Variants in FKBP3 observed in about 807,000 individuals in gnomAD.
FKBP3 encodes FKBP prolyl isomerase 3.
A neutral mutation model predicts 30.6 loss-of-function variants in FKBP3; 21 were observed. The observed-to-expected ratio is 0.69, with a 90% CI of 0.49 to 0.99. FKBP3 has a LOEUF of 0.99. Ranked by LOEUF, FKBP3 falls within the 50% of genes least tolerant of loss-of-function variation. The pLI is 0.00. For missense variants in FKBP3, 283 were observed against 261.6 expected (o/e 1.08, Z -0.56); for synonymous variants, 82 against 91.3 (o/e 0.90, Z 0.58).
intron 3 of FKBP3, 59 bp downstream of exon 3, chr14:45,129,731 TAAAG>T (rs1885174665): frequency 7.6e-6 from 8 of 1,053,536 alleles, no homozygotes; most frequent in Non-Finnish European, 1.1e-5. Flanking sequence ...GTGCAAATAA[TAAAG>T]AAATAAATAC....
chr14:45,134,130 T>G (rs1298912120), intron 1 of FKBP3, among the ~76,000 whole-genome samples: 1 of 152,194 alleles, frequency 6.6e-6, no homozygotes, highest in East Asian at 1.9e-4. Flanking sequence ...GCAGCCTGTG[T>G]GCCCCAAGAA....
Position 45,129,725 on chromosome 14 carries a change from A to C in FKBP3, c.318+69T>G, listed in dbSNP as rs550487416. 23 of 1,000,156 alleles carry C rather than the reference A, an allele frequency of 2.3e-5. No homozygotes were observed. The African/African-American group carries it at 3.5e-4, about 15-fold the overall frequency. 62.0% of individuals were successfully genotyped at this position (1,000,156 alleles called of 1,614,324 possible). A position where few individuals can be genotyped will look rare whatever the true frequency, so the allele number is the denominator to read the frequency against. On this transcript the variant is annotated intron_variant, in intron 3 of 6. Coordinates refer to ENST00000396062, the MANE Select transcript of FKBP3 (RefSeq NM_002013.4). ...ACCCTTCACTATGAGAAGTTAGTGC[A>C]AATAATAAAGAAATAAATACAATTT...
At chr14:45,128,604 G>T (rs1248331321) in intron 3 of FKBP3, among the ~76,000 whole-genome samples, 1 of 152,152 alleles carries the variant, frequency 6.6e-6, no homozygotes, top group African/African-American at 2.4e-5. Flanking sequence ...AGACAACGAG[G>T]GTTAGCAAGG....
chr14:45,119,734 C>T (rs969441685), intron 5 of FKBP3, among the ~76,000 whole-genome samples: 3 of 148,434 alleles, frequency 2.0e-5, no homozygotes, highest in South Asian at 2.1e-4. Context: ...GTTGCCCAGG[C>T]TGGAGTGCAG....
At chr14:45,134,211 G>A (rs1167281697) in intron 1 of FKBP3, 138 bp downstream of exon 1, 4 of 705,846 alleles carry the variant, frequency 5.7e-6, no homozygotes, top group Non-Finnish European at 4.9e-6. Context: ...CACAAGCTGG[G>A]CCTCTCCGGC....
At chr14:45,118,332 G>C (rs1884902557) in intron 5 of FKBP3, among the ~76,000 whole-genome samples, 1 of 152,014 alleles carries the variant, frequency 6.6e-6, no homozygotes, top group African/African-American at 2.4e-5. Flanking sequence ...TTTAAGCAGG[G>C]CTTTTTTAAT....
intron 6 of FKBP3, among the ~76,000 whole-genome samples, chr14:45,116,531 T>C (rs887978319): frequency 6.6e-6 from 1 of 151,828 alleles, no homozygotes; most frequent in Non-Finnish European, 1.5e-5. Flanking sequence ...TTTTATGAGG[T>C]AGTACATAAT....
chr14:45,120,819 T>G, intron 5 of FKBP3, 68 bp downstream of exon 5: 1 of 1,291,040 alleles, frequency 7.7e-7, no homozygotes, highest in African/African-American at 1.5e-5. Context: ...AACCTAATTC[T>G]TTACAGCACC....
chr14:45,126,513 C>T (rs917802433), intron 3 of FKBP3, among the ~76,000 whole-genome samples: 4 of 151,512 alleles, frequency 2.6e-5, no homozygotes, highest in South Asian at 4.2e-4. Flanking sequence ...AAAAAGAATA[C>T]GTCTATAGAA....
intron 1 of FKBP3, among the ~76,000 whole-genome samples, chr14:45,132,367 T>C (rs1229498993): frequency 6.6e-6 from 1 of 151,996 alleles, no homozygotes; most frequent in Non-Finnish European, 1.5e-5. Context: ...TATTGTCAAG[T>C]ATAGGTCTAA....
intron 3 of FKBP3, among the ~76,000 whole-genome samples, chr14:45,123,483 G>A (rs1031164672): frequency 4.0e-5 from 6 of 151,160 alleles, no homozygotes; most frequent in Non-Finnish European, 8.8e-5. Flanking sequence ...GTCTCTGTGG[G>A]AGCCTGATTT....
chr14:45,124,260 GTT>G (rs1885049458), intron 3 of FKBP3, among the ~76,000 whole-genome samples: 1 of 152,190 alleles, frequency 6.6e-6, no homozygotes, highest in African/African-American at 2.4e-5. Flanking sequence ...GCTGGGCGCA[GTT>G]ACTCACACCT....
At chr14:45,118,544 T>G (rs1352726316) in intron 5 of FKBP3, among the ~76,000 whole-genome samples, 2 of 151,920 alleles carry the variant, frequency 1.3e-5, no homozygotes, top group Non-Finnish European at 2.9e-5. Flanking sequence ...GGCAGGGGAA[T>G]CACTTGAACC....
intron 1 of FKBP3, 55 bp downstream of exon 1, chr14:45,134,294 G>A (rs1024166051): frequency 4.3e-5 from 59 of 1,363,428 alleles, no homozygotes; most frequent in Non-Finnish European, 5.8e-5. Context: ...GCATCTCCAG[G>A]GGGGTGAGGC....
chr14:45,127,467 A>T lies in FKBP3; in HGVS notation c.318+2327T>A, dbSNP rs577449533. On this transcript the variant is annotated intron_variant, in intron 3 of 6. Transcript: ENST00000396062. ...AAAATAAAAAATTTTTAAATGAAAA[A>T]TTTTCTTATTTAAACTAAAACATCC... Among the ~76,000 whole-genome samples the T allele has an allele frequency of 2.0e-5, 3 of 152,190 alleles. No homozygotes were observed. In the East Asian group the frequency reaches 5.8e-4, roughly 30 times the overall value.
In FKBP3 at chr14:45,123,869, C is replaced by T. The variant is rs191417813; in HGVS notation, c.319-2249G>A. On this transcript the variant is annotated intron_variant, in intron 3 of 6. Coordinates refer to ENST00000396062, the MANE Select transcript of FKBP3 (RefSeq NM_002013.4). ...TCCTGACCTCGTGATCTGCCCGCCT[C>T]GGCCTCCCAAAGTGCTGGGATTACA... 8.6e-4 allele frequency among the ~76,000 whole-genome samples: 130 copies of T among 152,026 alleles called. 1 individual carries two copies. Among genetic ancestry groups the T allele is most frequent in the Non-Finnish European group, 1.5e-3 (101 of 67,964 alleles).
At chr14:45,134,326 G>A (rs982123640) in intron 1 of FKBP3, 23 bp downstream of exon 1, 4 of 1,580,908 alleles carry the variant, frequency 2.5e-6, no homozygotes, top group Non-Finnish European at 3.5e-6. Flanking sequence ...GCACCAGCCC[G>A]GCCGCCCCTA....
chr14:45,132,420 C>G (rs1237934237), intron 1 of FKBP3, among the ~76,000 whole-genome samples: 2 of 152,030 alleles, frequency 1.3e-5, no homozygotes, highest in Non-Finnish European at 2.9e-5. Context: ...ATTTTTGAGA[C>G]AGAGTCTAGC....
chr14:45,125,393 G>A (rs117531361), intron 3 of FKBP3, among the ~76,000 whole-genome samples: 1,781 of 152,364 alleles, frequency 0.012, 19 homozygotes, highest in Non-Finnish European at 0.019. Flanking sequence ...TTTGGAGGCA[G>A]AATCACCAGA....
Sources: allele counts gnomAD v4.1 joint callset (sites outside exome capture counted in the v4.1 genomes callset), GRCh38; gene constraint gnomAD v4.1.1; transcripts MANE v1.5; gene names NCBI Gene and HGNC (gene_info 2026-07-23, HGNC 2026-07-21).